The following ITIH5 variants were observed in gnomAD, a reference collection of about 807,000 sequenced individuals.
The protein encoded by ITIH5 is inter-alpha-trypsin inhibitor heavy chain H5.
A neutral mutation model predicts 77.5 loss-of-function variants in ITIH5; 65 were observed. That is an observed-to-expected ratio of 0.84 (90% confidence interval 0.69 to 1.03). The LOEUF (loss-of-function observed/expected upper bound fraction) is 1.03. Ranked by LOEUF, ITIH5 falls within the 50% of genes least tolerant of loss-of-function variation. The pLI is 0.00. For missense variants in ITIH5, 1,208 were observed against 1,213.1 expected (o/e 1.00, Z 0.06); for synonymous variants, 525 against 494.3 (o/e 1.06, Z -0.82).
chr10:7,607,020 C>T (rs1290075183), intron 7 of ITIH5, among the ~76,000 whole-genome samples: 1 of 152,212 alleles, frequency 6.6e-6, no homozygotes, highest in African/African-American at 2.4e-5. Context: ...TCCCCACTGT[C>T]TTCTGCTTCC....
At chr10:7,651,223 C>T (rs116369877) in intron 2 of ITIH5, among the ~76,000 whole-genome samples, 1,771 of 150,596 alleles carry the variant, frequency 0.012, 31 homozygotes, top group African/African-American at 0.041. Flanking sequence ...AACCCTGCTG[C>T]AAGCATACCT....
At chr10:7,604,196 C>G (rs1833076343) in intron 7 of ITIH5, among the ~76,000 whole-genome samples, 1 of 152,150 alleles carries the variant, frequency 6.6e-6, no homozygotes. Context: ...GGAAGTCTTC[C>G]CTTGCCCCCC....
At chr10:7,579,264 G>A (rs1232836995) in intron 9 of ITIH5, among the ~76,000 whole-genome samples, 4 of 152,206 alleles carry the variant, frequency 2.6e-5, no homozygotes, top group African/African-American at 7.2e-5. Context: ...GGTGGCTCAC[G>A]CCCATAATCC....
In ITIH5 at chr10:7,617,140, A is replaced by T; in HGVS notation, c.795T>A (p.Asn265Lys). 6.3e-7 allele frequency: 1 copy of T among 1,597,286 alleles called. No homozygotes were observed. The highest frequency in any genetic ancestry group is 8.5e-7 in the Non-Finnish European group (1 of 1,174,356). Residue 265 changes from asparagine (N) to lysine (K), a missense_variant, in exon 6 of 14, where the codon AAT becomes AAA. Coordinates refer to ENST00000397146, the MANE Select transcript of ITIH5 (RefSeq NM_030569.7). ...LGDFIIRYDV[N>K]REQSIGDIQV... ...GGATGTCCCCAATGCTCTGTTCTCT[A>T]TTGACGTCATATCTAATGATAAAGT...
rs780371763 is a variant in ITIH5, at chr10:7,573,152, A to C, written c.2022T>G (p.Ser674=). The change falls in exon 11 of 14, where the codon TCT becomes TCG. Residue 674 remains serine, a synonymous_variant. Coordinates refer to ENST00000397146, the MANE Select transcript of ITIH5 (RefSeq NM_030569.7). ...CATCCTTTGCTTTACCTGATGTTTT[A>C]GAGATTTTAATTCTTGGCTGGTATG... is the stretch of plus-strand genomic sequence containing the variant. The part of the protein sequence containing the change: ...KKPYQPRIKI[S]KTSVDGDPHF... The C allele has an allele frequency of 3.7e-6, 6 of 1,613,584 alleles. No homozygotes were observed. The highest frequency in any genetic ancestry group is 1.7e-6 in the Non-Finnish European group (2 of 1,179,550).
Position 7,644,371 on chromosome 10 carries a change from TATATATCACATATATCAC to T in ITIH5, c.136-2299_136-2282del, listed in dbSNP as rs71383930. 3.9e-3 allele frequency among the ~76,000 whole-genome samples: 539 copies of T among 139,456 alleles called. 3 individuals are homozygous for T. Among genetic ancestry groups the T allele is most frequent in the East Asian group, 0.027 (132 of 4,856 alleles). The allele number at this position is 139,456 out of a possible 152,430, so 91.5% of individuals were successfully genotyped here. A position where few individuals can be genotyped will look rare whatever the true frequency, so the allele number is the denominator to read the frequency against. ...TCACATATATATCATATATATCACATATATATCACATATATCACATATATCACATATATCACATATATC... is the reference window on the plus strand; with the variant it reads ...TCACATATATATCATATATATCACATATATATCACATATATCACATATATC... On this transcript the variant is annotated intron_variant, in intron 2 of 13. Coordinates refer to ENST00000397146, the MANE Select transcript of ITIH5 (RefSeq NM_030569.7).
At chr10:7,625,765 A>AG (rs1491443999) in intron 5 of ITIH5, among the ~76,000 whole-genome samples, 2 of 111,906 alleles carry the variant, frequency 1.8e-5, no homozygotes, top group African/African-American at 7.9e-5. Flanking sequence ...ATTCTGTCTC[A>AG]AAAAAAAAAA....
Position 7,603,709 on chromosome 10 carries a change from G to A in ITIH5, c.939+12273C>T, listed in dbSNP as rs146071686. 4.5e-3 allele frequency among the ~76,000 whole-genome samples: 679 copies of A among 152,088 alleles called. 27 individuals are homozygous for A. In the East Asian group the frequency reaches 0.089, roughly 20 times the overall value. The stretch of plus-strand genomic sequence containing the variant: ...CACCATTCTCCTGCCTCAGCCTCCC[G>A]AGCAGCTGGGACTACAGGCCCCACC... On this transcript the variant is annotated intron_variant, in intron 7 of 13. Coordinates refer to ENST00000397146, the MANE Select transcript of ITIH5 (RefSeq NM_030569.7).
chr10:7,643,429 A>C (rs1251850312), intron 2 of ITIH5, among the ~76,000 whole-genome samples: 1 of 152,220 alleles, frequency 6.6e-6, no homozygotes, highest in African/African-American at 2.4e-5. Context: ...ATATTGGTCC[A>C]TGCCAGCAAG....
chr10:7,613,461 AT>A (rs1588399698), intron 7 of ITIH5, among the ~76,000 whole-genome samples: 1 of 152,298 alleles, frequency 6.6e-6, no homozygotes, highest in East Asian at 1.9e-4. Context: ...CAAAGTTTGG[AT>A]TTCGCAGACA....
chr10:7,587,370 A>G (rs1480382500), intron 7 of ITIH5, among the ~76,000 whole-genome samples: 2 of 152,222 alleles, frequency 1.3e-5, no homozygotes, highest in African/African-American at 4.8e-5. Flanking sequence ...GTTGTTAGAC[A>G]CTTACAGGCT....
intron 2 of ITIH5, among the ~76,000 whole-genome samples, chr10:7,644,889 TATATATATCACATATATATATCAC>T (rs1833981329): frequency 1.2e-5 from 1 of 80,650 alleles, no homozygotes; most frequent in Non-Finnish European, 2.5e-5. Flanking sequence ...ATATATCACA[TATATATATCACATATATATATCAC>T]ATATATATAT....
At chr10:7,639,333 C>T (rs1833847239) in intron 4 of ITIH5, among the ~76,000 whole-genome samples, 1 of 152,208 alleles carries the variant, frequency 6.6e-6, no homozygotes, top group South Asian at 2.1e-4. Flanking sequence ...GACTGACAAG[C>T]AGACTAAAGA....
rs1564261902 is a variant in ITIH5 at position 7,616,033 on chromosome 10, C to T, written c.888G>A (p.Val296=). ...AAGCACTGCTGTCAAGCACGAATAC[C>T]ACATTCTTGGGTAAAGGAGGAAGGT... ...PKDLPPLPKN[V]VFVLDSSASM... Residue 296 remains valine, a synonymous_variant, in exon 7 of 14, where the codon GTG becomes GTA. Coordinates refer to ENST00000397146, the MANE Select transcript of ITIH5 (RefSeq NM_030569.7). 1 of 1,613,822 alleles carries T rather than the reference C, an allele frequency of 6.2e-7. No homozygotes were observed.
intron 7 of ITIH5, among the ~76,000 whole-genome samples, chr10:7,593,866 G>A (rs149355528): frequency 6.6e-6 from 1 of 152,216 alleles, no homozygotes; most frequent in Non-Finnish European, 1.5e-5. Context: ...ACCAATCCTT[G>A]CAGACTGCAG....
chr10:7,566,819 AGG>A (rs1832180414), intron 12 of ITIH5, among the ~76,000 whole-genome samples: 1 of 85,496 alleles, frequency 1.2e-5, no homozygotes, highest in African/African-American at 6.3e-5. Flanking sequence ...GAAGAGGAAG[AGG>A]AAGAGGAAGA....
intron 5 of ITIH5, among the ~76,000 whole-genome samples, chr10:7,626,592 G>A (rs1045051004): frequency 1.3e-5 from 2 of 152,164 alleles, no homozygotes; most frequent in African/African-American, 4.8e-5. Context: ...TGGAGCTGGG[G>A]GTTTCACAGC....
chr10:7,650,174 A>G (rs1415374358), intron 2 of ITIH5, among the ~76,000 whole-genome samples: 1 of 152,228 alleles, frequency 6.6e-6, no homozygotes, highest in Non-Finnish European at 1.5e-5. Context: ...CCAAGATGCC[A>G]TCTGGAAATG....
intron 8 of ITIH5, among the ~76,000 whole-genome samples, chr10:7,580,810 G>A (rs1013955218): frequency 6.6e-6 from 1 of 152,192 alleles, no homozygotes; most frequent in Non-Finnish European, 1.5e-5. Context: ...ATGAAAGAAT[G>A]AATTTGTTGC....
Sources: allele counts gnomAD v4.1 joint callset (sites outside exome capture counted in the v4.1 genomes callset), GRCh38; gene constraint gnomAD v4.1.1; transcripts MANE v1.5; gene names NCBI Gene and HGNC (gene_info 2026-07-23, HGNC 2026-07-21).